SPAG9: variants seen among roughly 807,000 people sequenced by gnomAD.
SPAG9 encodes sperm associated antigen 9.
SPAG9 carries 35 observed loss-of-function variants against 166.5 expected under a neutral mutation model. The ratio of observed to expected loss-of-function variants is 0.21; its 90% confidence interval spans 0.16 to 0.28. The LOEUF is 0.28. SPAG9 is among the 10% of genes least tolerant of loss of function. SPAG9 has a pLI of 1.00. For synonymous variants in SPAG9, 534 were observed against 565.5 expected (o/e 0.94, Z 0.79); for missense variants, 1,235 against 1,603.3 (o/e 0.77, Z 3.92).
chr17:50,990,018 C>G, intron 20 of SPAG9, 146 bp from the exon 21 acceptor site: 1 of 719,568 alleles, frequency 1.4e-6, no homozygotes, highest in Non-Finnish European at 2.3e-6. Flanking sequence ...TTCCATTTAA[C>G]AGTCATTACA....
intron 9 of SPAG9, among the ~76,000 whole-genome samples, chr17:51,010,395 T>C (rs899350996): frequency 3.9e-5 from 6 of 151,970 alleles, no homozygotes; most frequent in African/African-American, 9.7e-5. Context: ...CTCAGCCACA[T>C]TGAGCTTATA....
intron 28 of SPAG9, among the ~76,000 whole-genome samples, chr17:50,972,544 G>A (rs1973903741): frequency 6.6e-6 from 1 of 152,220 alleles, no homozygotes; most frequent in Non-Finnish European, 1.5e-5. Context: ...GAACAAATGA[G>A]CAATCTCTAA....
chr17:50,963,905 A>G lies in SPAG9; in HGVS notation c.*2367T>C, dbSNP rs968541640. On this transcript the variant is annotated 3_prime_UTR_variant, in exon 30 of 30. Coordinates refer to ENST00000262013, the MANE Select transcript of SPAG9 (RefSeq NM_001130528.3). ...AGCCTACATTTTGGTGCCCTGCAAA[A>G]AAGTGACTAAGTAGCTCAAGCAAAA... The G allele has an allele frequency of 6.6e-6, 1 of 152,270 alleles. No individual in the cohort carries two copies. Among genetic ancestry groups the G allele is most frequent in the Non-Finnish European group, 1.5e-5 (1 of 68,048 alleles). 9.4% of individuals were successfully genotyped at this position (152,270 alleles called of 1,614,324 possible).
chr17:51,076,962 CTT>C (rs2047987156), intron 2 of SPAG9, among the ~76,000 whole-genome samples: 1 of 151,210 alleles, frequency 6.6e-6, no homozygotes, highest in Non-Finnish European at 1.5e-5. Flanking sequence ...ATAATGAGAT[CTT>C]GTCTCTATCT....
At chr17:51,025,132 A>G (rs1177827157) in intron 6 of SPAG9, among the ~76,000 whole-genome samples, 2 of 151,874 alleles carry the variant, frequency 1.3e-5, no homozygotes, top group African/African-American at 2.4e-5. Context: ...CAGCTTGGCC[A>G]ACATGGGGAA....
chr17:51,067,556 G>A (rs964466496), intron 2 of SPAG9, among the ~76,000 whole-genome samples: 1 of 152,042 alleles, frequency 6.6e-6, no homozygotes, highest in Non-Finnish European at 1.5e-5. Context: ...ACTTCAAAAC[G>A]ATCTCAGGGA....
intron 3 of SPAG9, among the ~76,000 whole-genome samples, chr17:51,053,849 AAAAAAGTATATATAT>A (rs1459349422): frequency 4.3e-5 from 3 of 69,732 alleles, no homozygotes; most frequent in African/African-American, 1.5e-4. Flanking sequence ...AAAAAAAAAA[AAAAAAGTATATATAT>A]ATATATATAT....
intron 14 of SPAG9, among the ~76,000 whole-genome samples, chr17:50,999,015 T>G (rs544286333): frequency 1.3e-5 from 2 of 152,260 alleles, no homozygotes; most frequent in African/African-American, 4.8e-5. Context: ...AAGCTTAGTA[T>G]GCCAGTTCTA....
chr17:51,095,827 G>A (rs908150937), intron 1 of SPAG9, among the ~76,000 whole-genome samples: 6 of 85,098 alleles, frequency 7.1e-5, no homozygotes, highest in Admixed American at 3.2e-4. Context: ...TATAGGGAGA[G>A]ATATAGAGAT....
chr17:51,019,670 T>G (rs1235065192), intron 8 of SPAG9, among the ~76,000 whole-genome samples: 2 of 151,988 alleles, frequency 1.3e-5, no homozygotes, highest in Non-Finnish European at 2.9e-5. Context: ...CTGACCAACA[T>G]GGAGAAACCC....
In SPAG9 at chr17:51,006,061, T is replaced by C. The variant is rs1349617375; in HGVS notation, c.1424+24A>G. 1.9e-6 allele frequency: 3 copies of C among 1,613,026 alleles called. No individual in the cohort carries two copies. In the South Asian group the frequency reaches 3.3e-5, roughly 18 times the overall value. The stretch of plus-strand genomic sequence containing the variant: ...GGCATAACTGGCAAAGAGTTTGGTT[T>C]AGAACAACACAGTTAAAACTTACTT... On this transcript the variant is annotated intron_variant, in intron 11 of 29. Transcript: ENST00000262013.
intron 25 of SPAG9, among the ~76,000 whole-genome samples, chr17:50,981,902 G>A (rs866766693): frequency 2.0e-5 from 3 of 151,788 alleles, no homozygotes; most frequent in Non-Finnish European, 4.4e-5. Context: ...CTGTGGTGGC[G>A]GGAGCCTGTA....
rs1261077052 is a variant in SPAG9 at position 51,120,775 on chromosome 17, G to T, written c.-119C>A. The T allele has an allele frequency of 1.2e-6, 1 of 832,192 alleles. No individual in the cohort carries two copies. The highest frequency in any genetic ancestry group is 1.7e-6 in the Non-Finnish European group (1 of 583,494). The allele number at this position is 832,192 out of a possible 1,614,324, so 51.6% of individuals were successfully genotyped here. ...TACTAGGGCTGGAGCCCGGGCCGGG[G>T]CTGGGGCTGGGCCCGGCGGGGTGGG... On this transcript the variant is annotated 5_prime_UTR_variant, in exon 1 of 30. Transcript: ENST00000262013. This position sits in a 1 kb window ranked among gnomAD's most constrained non-coding sequence, Gnocchi z 4.7.
In SPAG9 at chr17:51,005,193, T is replaced by G. The variant is rs200037489; in HGVS notation, c.1476+19A>C. 1 of 1,612,006 alleles carries G rather than the reference T, an allele frequency of 6.2e-7. No individual in the cohort carries two copies. On this transcript the variant is annotated intron_variant, in intron 12 of 29. Transcript: ENST00000262013. ...AAACATGGTAAGGTAAGAAAAAAAG[T>G]CCAAAATTGTAAACCTACATCATCG...
At chr17:50,990,129 G>A (rs980070547) in intron 20 of SPAG9, 10 of 533,792 alleles carry the variant, frequency 1.9e-5, no homozygotes, top group African/African-American at 1.1e-4. Flanking sequence ...CCAGGTTCAC[G>A]CCATTCTCCT....
In SPAG9 at chr17:51,010,163, T is replaced by C. The variant is rs141113469; in HGVS notation, c.1214-2837A>G. On this transcript the variant is annotated intron_variant, in intron 9 of 29. Coordinates refer to ENST00000262013, the MANE Select transcript of SPAG9 (RefSeq NM_001130528.3). The stretch of plus-strand genomic sequence containing the variant: ...TCCATAGATGAGCTTCAGAGTTATA[T>C]GGTAATCCCTTGAGAAGATGCACAA... Among the ~76,000 whole-genome samples the C allele has an allele frequency of 9.8e-5, 15 of 152,314 alleles. No individual in the cohort carries two copies. The East Asian group carries it at 2.5e-3, about 25-fold the overall frequency.
chr17:51,055,145 C>T (rs12946715), intron 3 of SPAG9, among the ~76,000 whole-genome samples: 36,272 of 151,974 alleles, frequency 0.24, 5,172 homozygotes, highest in Admixed American at 0.34. Context: ...GTGAGGAGCT[C>T]AAGACCAGCC....
intron 6 of SPAG9, 76 bp from the exon 7 acceptor site, chr17:51,021,441 T>C (rs2045932748): frequency 8.4e-7 from 1 of 1,188,654 alleles, no homozygotes; most frequent in East Asian, 2.6e-5. Flanking sequence ...GGTTGAGAAA[T>C]AAATCTACCA....
intron 6 of SPAG9, among the ~76,000 whole-genome samples, chr17:51,022,631 C>A (rs1333396241): frequency 6.7e-6 from 1 of 148,152 alleles, no homozygotes. Context: ...GCCACCACCA[C>A]TAATAATAAT....
Sources: gnomAD v4.1 joint callset for allele counts (sites outside exome capture counted in the v4.1 genomes callset) on GRCh38, gnomAD v4.1.1 for gene constraint, Gnocchi (gnomAD v3.1) non-coding constraint, MANE v1.5 for transcripts, NCBI Gene and HGNC (gene_info 2026-07-23, HGNC 2026-07-21) for gene names.